Variants in CNTN3 observed in about 807,000 individuals in gnomAD.
The protein encoded by CNTN3 is contactin 3, also known as contactin-3.
CNTN3 carries 60 observed loss-of-function variants against 119.1 expected under a neutral mutation model. The observed-to-expected ratio is 0.50, with a 90% CI of 0.41 to 0.62. The LOEUF (loss-of-function observed/expected upper bound fraction) is 0.62. Ranked by LOEUF, CNTN3 falls within the 20% of genes least tolerant of loss-of-function variation. The pLI is 0.00. For synonymous variants in CNTN3, 450 were observed against 438.7 expected, an observed-to-expected ratio of 1.03 and a Z score of -0.32; for missense variants, 1,101 against 1,242.4, an observed-to-expected ratio of 0.89 and a Z score of 1.71.
At chr3:74,407,264 ATTTT>A (rs753215277) in intron 5 of CNTN3, among the ~76,000 whole-genome samples, 1 of 105,564 alleles carries the variant, frequency 9.5e-6, no homozygotes, top group East Asian at 3.0e-4. Flanking sequence ...CAAATATTCT[ATTTT>A]TTTTTTTTTT....
intron 11 of CNTN3, among the ~76,000 whole-genome samples, chr3:74,346,991 T>C (rs891798995): frequency 2.6e-5 from 4 of 152,166 alleles, no homozygotes; most frequent in Non-Finnish European, 4.4e-5. Flanking sequence ...TGGGAAGCTG[T>C]CCAAGAAAGA....
At chr3:74,607,304 G>A (rs2106713234) in intron 1 of CNTN3, among the ~76,000 whole-genome samples, 1 of 152,306 alleles carries the variant, frequency 6.6e-6, no homozygotes, top group African/African-American at 2.4e-5. Context: ...GCCAGACCAA[G>A]TGAGTAGCAG....
chr3:74,441,330 A>T (rs902441751), intron 4 of CNTN3, among the ~76,000 whole-genome samples: 1 of 152,344 alleles, frequency 6.6e-6, no homozygotes, highest in Admixed American at 6.5e-5. Context: ...CCATGGAAAC[A>T]TCGCTATCAG....
rs868776492 is a variant in CNTN3, at chr3:74,582,783, T to G, written c.-81+31608A>C. Among the ~76,000 whole-genome samples, 425 of 145,092 alleles carry G rather than the reference T, an allele frequency of 2.9e-3. 1 individual carries two copies. Among genetic ancestry groups the G allele is most frequent in the Non-Finnish European group, 4.2e-3 (277 of 65,240 alleles). ...ACCCATCAAGTGCATGTGTATGCAT[T>G]TGTGTGTGTGTGTGTGTGTGTGTGT... On this transcript the variant is annotated intron_variant, in intron 1 of 22. Transcript: ENST00000263665.
intron 4 of CNTN3, among the ~76,000 whole-genome samples, chr3:74,469,548 T>C (rs192744653): frequency 1.5e-4 from 23 of 152,284 alleles, no homozygotes; most frequent in Non-Finnish European, 3.2e-4. Context: ...AGGATCTAAA[T>C]AGATATTTCT....
At chr3:74,572,319 C>T (rs77564884) in intron 1 of CNTN3, among the ~76,000 whole-genome samples, 5,650 of 152,208 alleles carry the variant, frequency 0.037, 134 homozygotes, top group South Asian at 0.07. Flanking sequence ...AAACCTTCCA[C>T]ATTTGAAGAA....
At chr3:74,488,716 C>T (rs1702906052) in intron 3 of CNTN3, among the ~76,000 whole-genome samples, 1 of 152,120 alleles carries the variant, frequency 6.6e-6, no homozygotes, top group Non-Finnish European at 1.5e-5. Flanking sequence ...ATATGACCTC[C>T]TCAGGTCTTA....
intron 11 of CNTN3, among the ~76,000 whole-genome samples, chr3:74,355,399 T>A (rs1234171543): frequency 6.6e-6 from 1 of 152,034 alleles, no homozygotes; most frequent in East Asian, 1.9e-4. Context: ...TAATGAGGGA[T>A]CTTGCTTTCA....
At chr3:74,286,665 A>AT (rs1294164832) in intron 19 of CNTN3, among the ~76,000 whole-genome samples, 7 of 152,176 alleles carry the variant, frequency 4.6e-5, no homozygotes, top group Non-Finnish European at 1.0e-4. Flanking sequence ...AAGGCTGATA[A>AT]TTTTCCAGAA....
intron 4 of CNTN3, among the ~76,000 whole-genome samples, chr3:74,434,093 T>C (rs1701828900): frequency 6.6e-6 from 1 of 152,210 alleles, no homozygotes. Context: ...CCTAACTTTC[T>C]ACTAGTGAAA....
chr3:74,530,202 G>A (rs567509365), intron 1 of CNTN3, among the ~76,000 whole-genome samples: 1 of 152,118 alleles, frequency 6.6e-6, no homozygotes, highest in East Asian at 1.9e-4. Context: ...ATTTTAATAA[G>A]AGATTCTAGA....
chr3:74,267,603 T>G (rs956814363), intron 20 of CNTN3: 2 of 458,178 alleles, frequency 4.4e-6, no homozygotes, highest in East Asian at 6.9e-5. Context: ...ACGTAATTTA[T>G]TCATGTAACA....
rs187537438 is a variant in CNTN3, at chr3:74,612,345, C to A, written c.-81+2046G>T. On this transcript the variant is annotated intron_variant, in intron 1 of 22. Transcript: ENST00000263665. ...TTGTTGTCCACGGCTAATCTTCTCT[C>A]TACTTGAAAGTGCTCAGCACTTTGC... Among the ~76,000 whole-genome samples the A allele has an allele frequency of 2.3e-4, 35 of 152,342 alleles. No homozygotes were observed. The East Asian group carries it at 2.9e-3, about 13-fold the overall frequency.
At chr3:74,275,844 A>G (rs1234855936) in intron 20 of CNTN3, among the ~76,000 whole-genome samples, 6 of 152,142 alleles carry the variant, frequency 3.9e-5, no homozygotes, top group Non-Finnish European at 7.4e-5. Flanking sequence ...AAGATACAGA[A>G]CTGCAGAATG....
At chr3:74,378,332 G>A (rs1704528170) in intron 5 of CNTN3, among the ~76,000 whole-genome samples, 1 of 152,212 alleles carries the variant, frequency 6.6e-6, no homozygotes, top group African/African-American at 2.4e-5. Flanking sequence ...CTATCAGCAT[G>A]TTTAACATTT....
chr3:74,446,428 G>A (rs1702049584), intron 4 of CNTN3, among the ~76,000 whole-genome samples: 1 of 152,094 alleles, frequency 6.6e-6, no homozygotes, highest in Non-Finnish European at 1.5e-5. Flanking sequence ...GTGTAGAAAG[G>A]AGAAACTCTT....
intron 11 of CNTN3, among the ~76,000 whole-genome samples, chr3:74,361,522 T>C (rs1704072486): frequency 6.6e-6 from 1 of 152,218 alleles, no homozygotes; most frequent in Non-Finnish European, 1.5e-5. Context: ...GCAATATTTG[T>C]ATTTCTTTGG....
chr3:74,361,980 C>T lies in CNTN3; in HGVS notation c.1274G>A (p.Ser425Asn), dbSNP rs1430076433. The part of the protein sequence containing the change: ...MKKLVQVQVG[S>N]LVSLDCKPRA... ...GGGTTTACAATCCAAGCTGACCAGG[C>T]TGCCCACCTGCACCTGAACCAACTT... The change falls in exon 11 of 23, where the codon AGC becomes AAC. Residue 425 changes from serine (S) to asparagine (N), a missense_variant. Transcript: ENST00000263665. The T allele has an allele frequency of 1.9e-6, 3 of 1,613,836 alleles. No homozygotes were observed. Among genetic ancestry groups the T allele is most frequent in the South Asian group, 2.2e-5 (2 of 91,070 alleles).
intron 1 of CNTN3, among the ~76,000 whole-genome samples, chr3:74,585,553 T>C (rs1222799248): frequency 6.6e-6 from 1 of 152,166 alleles, no homozygotes; most frequent in African/African-American, 2.4e-5. Context: ...CTGAATCATA[T>C]TTCATATTTG....
Sources: gnomAD v4.1 joint callset for allele counts (sites outside exome capture counted in the v4.1 genomes callset) on GRCh38, gnomAD v4.1.1 for gene constraint, MANE v1.5 for transcripts, NCBI Gene and HGNC (gene_info 2026-07-23, HGNC 2026-07-21) for gene names.